Variants in MINK1 observed in about 807,000 individuals in gnomAD.
The protein encoded by MINK1 is misshapen-like kinase 1.
MINK1 carries 46 observed loss-of-function variants against 178.4 expected under a neutral mutation model. The ratio of observed to expected loss-of-function variants is 0.26; its 90% CI spans 0.20 to 0.33. The LOEUF is 0.33. MINK1 is among the 10% of genes least tolerant of loss of function. The probability of loss-of-function intolerance (pLI) is 1.00; values close to 1 mark genes in which losing one functional copy is unlikely to be tolerated. For synonymous variants in MINK1, 797 were observed against 709.7 expected, an observed-to-expected ratio of 1.12 and a Z score of -1.96; for missense variants, 1,366 against 1,814.9, an observed-to-expected ratio of 0.75 and a Z score of 4.49.
intron 1 of MINK1, chr17:4,859,025 T>A (rs761586672): frequency 3.1e-5 from 21 of 668,208 alleles, no homozygotes; most frequent in Middle Eastern, 7.4e-4. Context: ...CTGCCCTGTT[T>A]CCTGTCAGGG....
intron 1 of MINK1, among the ~76,000 whole-genome samples, chr17:4,874,082 T>C (rs1344043543): frequency 1.3e-5 from 2 of 152,204 alleles, no homozygotes; most frequent in East Asian, 3.8e-4. Context: ...TCAGCGGCTT[T>C]CGTGCTTTCG....
chr17:4,838,079 G>T (rs1410722429), intron 1 of MINK1, among the ~76,000 whole-genome samples: 1 of 152,184 alleles, frequency 6.6e-6, no homozygotes, highest in Admixed American at 6.5e-5. Flanking sequence ...GATGCCTTAG[G>T]CAGGAGAATG....
chr17:4,875,598 C>A (rs1487524028), intron 1 of MINK1: 1 of 397,590 alleles, frequency 2.5e-6, no homozygotes, highest in Non-Finnish European at 5.0e-6. Flanking sequence ...CAGGGTGAAA[C>A]CACGTCTCTA....
Position 4,886,029 on chromosome 17 carries a change from G to A in MINK1, c.694+64G>A. ...AGGAAGGGCCCAGAGAGTGGCTGTA[G>A]GGAGGAGGTGGGTCCTGGGACCCTG... On this transcript the variant is annotated intron_variant, in intron 8 of 31. Coordinates refer to ENST00000355280, the MANE Select transcript of MINK1 (RefSeq NM_153827.5). The surrounding 1 kb of genome is among the most constrained non-coding windows in gnomAD (Gnocchi z 6.1). 1.9e-6 allele frequency: 3 copies of A among 1,609,272 alleles called. No individual in the cohort carries two copies. The highest frequency in any genetic ancestry group is 1.3e-5 in the African/African-American group (1 of 74,914).
intron 31 of MINK1, 125 bp from the exon 32 acceptor site, chr17:4,897,079 C>G (rs924308435): frequency 5.5e-6 from 5 of 910,016 alleles, no homozygotes; most frequent in Non-Finnish European, 8.6e-6. Flanking sequence ...CACTGTGAGT[C>G]TCCTCCTGCA....
Position 4,886,213 on chromosome 17 carries a change from G to A in MINK1, c.773+15G>A. The stretch of plus-strand genomic sequence containing the variant: ...TCCAAGAAGTGGTAGGTCTCTGAGA[G>A]TGTGGGCTCTGGGAAGGAAGGTCCC... On this transcript the variant is annotated intron_variant, in intron 9 of 31. Coordinates refer to ENST00000355280, the MANE Select transcript of MINK1 (RefSeq NM_153827.5). The surrounding 1 kb of genome is among the most constrained non-coding windows in gnomAD (Gnocchi z 6.1). 1 of 1,613,116 alleles carries A rather than the reference G, an allele frequency of 6.2e-7. No individual in the cohort carries two copies. Among genetic ancestry groups the A allele is most frequent in the Non-Finnish European group, 8.5e-7 (1 of 1,179,054 alleles).
At chr17:4,850,257 A>G (rs1911726326) in intron 1 of MINK1, among the ~76,000 whole-genome samples, 1 of 152,172 alleles carries the variant, frequency 6.6e-6, no homozygotes, top group Non-Finnish European at 1.5e-5. Flanking sequence ...TCACCAGGCC[A>G]TAGATTTGGC....
intron 1 of MINK1, among the ~76,000 whole-genome samples, chr17:4,862,383 G>A (rs548616620): frequency 1.6e-4 from 25 of 152,148 alleles, no homozygotes; most frequent in South Asian, 1.5e-3. Flanking sequence ...GGCCAGGCAC[G>A]GTGGCTCACG....
chr17:4,892,400 A>G lies in MINK1; in HGVS notation c.2088-2A>G. The stretch of plus-strand genomic sequence containing the variant: ...CTCGGCACCCCTGTGCTCCCTTCAC[A>G]GACCTCGCAGCAACTCCGCCTGGCA... On this transcript the variant is annotated splice_acceptor_variant, in intron 17 of 31. Transcript: ENST00000355280. LOFTEE classifies it high-confidence loss of function. 6.6e-7 allele frequency: 1 copy of G among 1,524,994 alleles called. No individual in the cohort carries two copies. Among genetic ancestry groups the G allele is most frequent in the Non-Finnish European group, 8.8e-7 (1 of 1,139,030 alleles). 94.5% of individuals were successfully genotyped at this position (1,524,994 alleles called of 1,614,324 possible).
chr17:4,867,502 A>C (rs1915207066), intron 1 of MINK1, among the ~76,000 whole-genome samples: 1 of 151,882 alleles, frequency 6.6e-6, no homozygotes. Context: ...ATAATAATTA[A>C]AATTTTTAAA....
At chr17:4,882,561 C>A (rs2150998821) in intron 4 of MINK1, among the ~76,000 whole-genome samples, 2 of 152,296 alleles carry the variant, frequency 1.3e-5, no homozygotes, top group South Asian at 4.1e-4. Flanking sequence ...ATTTCTTAGC[C>A]CCCTTTCTGC....
intron 13 of MINK1, 68 bp from the exon 14 acceptor site, chr17:4,890,449 A>G: frequency 6.6e-7 from 1 of 1,518,746 alleles, no homozygotes; most frequent in South Asian, 1.2e-5. Flanking sequence ...GAGAAAAGAG[A>G]GGGCATGCCT....
rs776944946 is a variant in MINK1 at position 4,897,754 on chromosome 17, C to G, written c.*467C>G. 2 of 154,182 alleles carry G rather than the reference C, an allele frequency of 1.3e-5. No individual in the cohort carries two copies. Among genetic ancestry groups the G allele is most frequent in the East Asian group, 3.8e-4 (2 of 5,246 alleles). 9.6% of individuals were successfully genotyped at this position (154,182 alleles called of 1,614,324 possible). A position where few individuals can be genotyped will look rare whatever the true frequency, so the allele number is the denominator to read the frequency against. On this transcript the variant is annotated 3_prime_UTR_variant, in exon 32 of 32. Coordinates refer to ENST00000355280, the MANE Select transcript of MINK1 (RefSeq NM_153827.5). ...GGGGGGTCACCAGCCACTCCAGGGGCAGGGACCATTTCTTCATTTTCTGAA... is the reference window on the plus strand; with the variant it reads ...GGGGGGTCACCAGCCACTCCAGGGGGAGGGACCATTTCTTCATTTTCTGAA...
chr17:4,883,486 G>A lies in MINK1; in HGVS notation c.307-877G>A, dbSNP rs190058307. Among the ~76,000 whole-genome samples the A allele has an allele frequency of 9.7e-3, 1,480 of 151,830 alleles. 9 individuals carry two copies. The highest frequency in any genetic ancestry group is 0.014 in the Non-Finnish European group (947 of 67,936). ...CCCAAAGTGCTAGGATTACAGGCATGAGCCACTGAGCCCGGCCCAAAGCAG... is the reference window on the plus strand; with the variant it reads ...CCCAAAGTGCTAGGATTACAGGCATAAGCCACTGAGCCCGGCCCAAAGCAG... On this transcript the variant is annotated intron_variant, in intron 4 of 31. Coordinates refer to ENST00000355280, the MANE Select transcript of MINK1 (RefSeq NM_153827.5).
At chr17:4,890,146 AC>A (rs1356320436) in intron 13 of MINK1, 5 of 558,024 alleles carry the variant, frequency 9.0e-6, no homozygotes, top group African/African-American at 2.1e-5. Flanking sequence ...TCCTTCTCCA[AC>A]TCGCTGCTGC....
At chr17:4,883,326 T>A (rs1366249420) in intron 4 of MINK1, 1 of 150,520 alleles carries the variant, frequency 6.6e-6, no homozygotes, top group East Asian at 2.0e-4. Context: ...TGTGTCAGCA[T>A]CCTGAGTAGC....
intron 4 of MINK1, among the ~76,000 whole-genome samples, chr17:4,882,807 T>C (rs905930778): frequency 2.0e-5 from 3 of 152,164 alleles, no homozygotes; most frequent in Non-Finnish European, 4.4e-5. Flanking sequence ...TTTTTTGTTT[T>C]TTCCCGCAAC....
At chr17:4,848,256 C>T (rs1911343872) in intron 1 of MINK1, among the ~76,000 whole-genome samples, 1 of 152,158 alleles carries the variant, frequency 6.6e-6, no homozygotes. Flanking sequence ...CCTTCCCCAT[C>T]GCTCCCTGCA....
Position 4,897,282 on chromosome 17 carries a change from T to TGGTGAC in MINK1, c.3997_*3dup, listed in dbSNP as rs1555545151. 10 of 1,613,468 alleles carry TGGTGAC rather than the reference T, an allele frequency of 6.2e-6. No individual in the cohort carries two copies. Among genetic ancestry groups the TGGTGAC allele is most frequent in the Non-Finnish European group, 8.5e-6 (10 of 1,179,684 alleles). On this transcript the variant is annotated stop_gained and inframe_insertion, in exon 32 of 32. Transcript: ENST00000355280. LOFTEE classifies it high-confidence loss of function. ...TCTGAACCGTAACTGCATCATGAAC[T>TGGTGAC]GGTGACGGGGCCCTGGGCTGGGGCT...
Sources: allele counts gnomAD v4.1 joint callset (sites outside exome capture counted in the v4.1 genomes callset), GRCh38; gene constraint gnomAD v4.1.1; non-coding constraint Gnocchi (gnomAD v3.1); transcripts MANE v1.5; gene names NCBI Gene and HGNC (gene_info 2026-07-23, HGNC 2026-07-21).